PDE4B: variants seen among roughly 807,000 people sequenced by gnomAD.
PDE4B encodes phosphodiesterase 4B.
PDE4B carries 20 observed loss-of-function variants against 82.2 expected under a neutral mutation model. That is an observed-to-expected ratio of 0.24 (90% confidence interval 0.17 to 0.35). The LOEUF is 0.35. Among genes scored for constraint, PDE4B ranks in the 10% least tolerant of loss-of-function variants. The probability of loss-of-function intolerance (pLI) is 1.00; values close to 1 mark genes in which losing one functional copy is unlikely to be tolerated. For synonymous variants in PDE4B, 320 were observed against 318.9 expected (o/e 1.00, Z -0.04); for missense variants, 655 against 907.2 (o/e 0.72, Z 3.57).
chr1:65,957,259 A>G (rs765785551), intron 3 of PDE4B, among the ~76,000 whole-genome samples: 1 of 151,794 alleles, frequency 6.6e-6, no homozygotes, highest in Non-Finnish European at 1.5e-5. Flanking sequence ...TGCTTAAAAA[A>G]TCCTTTCCTA....
chr1:66,003,529 C>T (rs1174937331), intron 3 of PDE4B, among the ~76,000 whole-genome samples: 2 of 152,142 alleles, frequency 1.3e-5, no homozygotes, highest in Non-Finnish European at 2.9e-5. Flanking sequence ...ATTCAGTGAA[C>T]AAATGCCTTG....
intron 7 of PDE4B, among the ~76,000 whole-genome samples, chr1:66,279,259 T>C (rs1471074244): frequency 3.3e-5 from 5 of 152,194 alleles, no homozygotes. Flanking sequence ...CTTCATTATT[T>C]GTCAGGTGTG....
At chr1:66,061,076 G>T (rs1343439063) in intron 3 of PDE4B, among the ~76,000 whole-genome samples, 1 of 151,408 alleles carries the variant, frequency 6.6e-6, no homozygotes, top group Non-Finnish European at 1.5e-5. Context: ...GGAATCTCTA[G>T]AACACGTTCT....
chr1:66,323,122 C>T (rs953499174), intron 7 of PDE4B, among the ~76,000 whole-genome samples: 5 of 152,096 alleles, frequency 3.3e-5, no homozygotes, highest in African/African-American at 1.2e-4. Flanking sequence ...AGAGCTCCAC[C>T]AAGTTTTCCA....
At chr1:65,914,592 AC>A (rs1647137040) in intron 2 of PDE4B, among the ~76,000 whole-genome samples, 1 of 146,650 alleles carries the variant, frequency 6.8e-6, no homozygotes, top group African/African-American at 2.5e-5. Flanking sequence ...AATTTAGAAA[AC>A]TTTTTTTCTT....
At chr1:65,953,020 A>G (rs1329702857) in intron 3 of PDE4B, among the ~76,000 whole-genome samples, 2 of 151,978 alleles carry the variant, frequency 1.3e-5, no homozygotes, top group Non-Finnish European at 2.9e-5. Context: ...AACATTTTTT[A>G]CCTTTGGAAT....
chr1:66,268,839 CT>C (rs1570591981), intron 7 of PDE4B, among the ~76,000 whole-genome samples: 1 of 151,816 alleles, frequency 6.6e-6, no homozygotes, highest in South Asian at 2.1e-4. Flanking sequence ...ATAATTGCTC[CT>C]TTTTTGTGCT....
chr1:65,839,025 A>C (rs1301074903), intron 1 of PDE4B, among the ~76,000 whole-genome samples: 1 of 152,178 alleles, frequency 6.6e-6, no homozygotes, highest in Non-Finnish European at 1.5e-5. Context: ...GCTGAAAATC[A>C]GTTGTAACTT....
intron 3 of PDE4B, among the ~76,000 whole-genome samples, chr1:65,928,690 C>G (rs1038072720): frequency 6.6e-6 from 1 of 152,228 alleles, no homozygotes; most frequent in South Asian, 2.1e-4. Context: ...TCTTCTGGAC[C>G]CTCCCAGCTG....
At chr1:65,872,200 C>T (rs1485432923) in intron 1 of PDE4B, among the ~76,000 whole-genome samples, 1 of 152,142 alleles carries the variant, frequency 6.6e-6, no homozygotes, top group African/African-American at 2.4e-5. Context: ...TAAAAATTTT[C>T]TTCCTGACTG....
At chr1:66,241,322 T>C (rs948292062) in intron 3 of PDE4B, among the ~76,000 whole-genome samples, 1 of 152,202 alleles carries the variant, frequency 6.6e-6, no homozygotes, top group Non-Finnish European at 1.5e-5. Context: ...CAGTGACTAA[T>C]TATAGAAAGA....
intron 6 of PDE4B, among the ~76,000 whole-genome samples, chr1:66,264,432 T>C (rs72641149): frequency 6.6e-6 from 1 of 152,146 alleles, no homozygotes; most frequent in African/African-American, 2.4e-5. Context: ...TGTCAGTATG[T>C]TTCTTAAACT....
At chr1:66,265,994 G>C in intron 6 of PDE4B, 44 bp from the exon 7 acceptor site, 1 of 1,526,184 alleles carries the variant, frequency 6.6e-7, no homozygotes, top group Non-Finnish European at 9.1e-7. Context: ...GGAATGGGCA[G>C]TTTTGATACA....
intron 7 of PDE4B, among the ~76,000 whole-genome samples, chr1:66,331,260 T>C (rs1331546425): frequency 6.6e-6 from 1 of 152,216 alleles, no homozygotes; most frequent in Non-Finnish European, 1.5e-5. Context: ...CCATGTGAGA[T>C]TTTACATTTT....
At chr1:66,287,992 A>G (rs779682336) in intron 7 of PDE4B, among the ~76,000 whole-genome samples, 1 of 152,024 alleles carries the variant, frequency 6.6e-6, no homozygotes, top group Non-Finnish European at 1.5e-5. Flanking sequence ...CAAAACAAAA[A>G]ACTGTATTAG....
At chr1:66,093,957 T>C (rs530632909) in intron 3 of PDE4B, among the ~76,000 whole-genome samples, 1 of 152,212 alleles carries the variant, frequency 6.6e-6, no homozygotes, top group Non-Finnish European at 1.5e-5. Context: ...TTCTCCTATA[T>C]GCCAGGCACA....
At chr1:65,904,964 C>G (rs1569628412) in intron 1 of PDE4B, among the ~76,000 whole-genome samples, 1 of 152,104 alleles carries the variant, frequency 6.6e-6, no homozygotes, top group East Asian at 1.9e-4. Flanking sequence ...TTGCAGTTTA[C>G]CAGGCATTCT....
At chr1:66,078,394 G>T (rs932583800) in intron 3 of PDE4B, among the ~76,000 whole-genome samples, 3 of 151,902 alleles carry the variant, frequency 2.0e-5, no homozygotes, top group African/African-American at 7.3e-5. Context: ...ATTTTTAGTA[G>T]ATACGGGGTT....
At chr1:66,081,820 CTCTCTCTCTCTCTGTG>C (rs761371123) in intron 3 of PDE4B, among the ~76,000 whole-genome samples, 5 of 137,416 alleles carry the variant, frequency 3.6e-5, no homozygotes, top group East Asian at 4.3e-4. Context: ...CTCTCTCTCT[CTCTCTCTCTCTCTGTG>C]TGTGTGTGTG....
Sources: allele counts gnomAD v4.1 joint callset (sites outside exome capture counted in the v4.1 genomes callset), GRCh38; gene constraint gnomAD v4.1.1; transcripts MANE v1.5; gene names NCBI Gene and HGNC (gene_info 2026-07-23, HGNC 2026-07-21).